FGGY: variants seen among roughly 807,000 people sequenced by gnomAD.
The protein encoded by FGGY is FGGY carbohydrate kinase domain-containing protein.
Under a neutral mutation model 71.3 loss-of-function variants are expected in FGGY, and 72 were observed. That is an observed-to-expected ratio of 1.01 (90% CI 0.84 to 1.23). FGGY has a LOEUF of 1.23. FGGY is among the 50% of genes most tolerant of loss of function. The pLI is 0.00. For missense variants in FGGY, 668 were observed against 682.3 expected (o/e 0.98, Z 0.23); for synonymous variants, 251 against 250.3 (o/e 1.00, Z -0.02).
rs184437800 is a variant in FGGY, at chr1:59,447,259, T to A, written c.555-9702T>A. On this transcript the variant is annotated intron_variant, in intron 5 of 15. Transcript: ENST00000303721. ...CATTTTAATCTTCCTAAGGTTAGAG[T>A]TATCTGGCTAGGCTATTTTCTCTAT... Among the ~76,000 whole-genome samples the A allele has an allele frequency of 6.5e-4, 99 of 152,256 alleles. 1 individual carries two copies. The highest frequency in any genetic ancestry group is 2.3e-3 in the African/African-American group (97 of 41,566).
chr1:59,397,708 C>A (rs1420434393), intron 5 of FGGY, among the ~76,000 whole-genome samples: 2 of 152,120 alleles, frequency 1.3e-5, no homozygotes, highest in East Asian at 3.9e-4. Flanking sequence ...GCAGGTTGTG[C>A]CCCATAAAAG....
Position 59,512,399 on chromosome 1 carries a change from G to A in FGGY, c.759G>A (p.Ala253=), listed in dbSNP as rs562936205. The change falls in exon 7 of 16, where the codon GCG becomes GCA. Residue 253 remains alanine, a synonymous_variant. Coordinates refer to ENST00000303721, the MANE Select transcript of FGGY (RefSeq NM_018291.5). ...ARDLGLLPGI[A]VAASLIDAHA... The stretch of plus-strand genomic sequence containing the variant: ...ACCTTGGCCTTCTCCCTGGGATTGC[G>A]GTCGCAGCTTCACTCATTGATGCCC... 10 of 1,613,852 alleles carry A rather than the reference G, an allele frequency of 6.2e-6. No individual in the cohort carries two copies. Among genetic ancestry groups the A allele is most frequent in the Admixed American group, 1.7e-5 (1 of 60,004 alleles).
At chr1:59,755,418 A>G (rs968287550) in intron 14 of FGGY, 2 of 152,154 alleles carry the variant, frequency 1.3e-5, no homozygotes, top group Non-Finnish European at 2.9e-5. Context: ...CTGTTAACAA[A>G]AAAATATGGT....
chr1:59,460,949 A>G (rs191520731), intron 6 of FGGY, among the ~76,000 whole-genome samples: 139 of 152,330 alleles, frequency 9.1e-4, no homozygotes, highest in African/African-American at 3.3e-3. Flanking sequence ...AGATAAAACT[A>G]TAAAGATGGA....
intron 14 of FGGY, among the ~76,000 whole-genome samples, chr1:59,757,502 G>A (rs527958908): frequency 5.1e-4 from 78 of 152,320 alleles, no homozygotes; most frequent in African/African-American, 1.8e-3. Flanking sequence ...GTACAGGTGC[G>A]AAGTGAGTTC....
chr1:59,577,375 T>C (rs575939049), intron 8 of FGGY, among the ~76,000 whole-genome samples: 1 of 152,334 alleles, frequency 6.6e-6, no homozygotes, highest in African/African-American at 2.4e-5. Context: ...CTCCTTAAAG[T>C]TGGCCACTGT....
At chr1:59,646,454 A>G (rs1379360884) in intron 11 of FGGY, among the ~76,000 whole-genome samples, 1 of 150,876 alleles carries the variant, frequency 6.6e-6, no homozygotes, top group Non-Finnish European at 1.5e-5. Context: ...ATTGGTCACA[A>G]ATTTTACTGA....
chr1:59,715,192 A>G (rs904604013), intron 14 of FGGY, among the ~76,000 whole-genome samples: 1 of 152,186 alleles, frequency 6.6e-6, no homozygotes, highest in Non-Finnish European at 1.5e-5. Flanking sequence ...AGCAGAACTA[A>G]TGTGGGATTT....
intron 5 of FGGY, among the ~76,000 whole-genome samples, chr1:59,424,838 T>C (rs1378829629): frequency 6.6e-6 from 1 of 152,180 alleles, no homozygotes. Flanking sequence ...GTTGAAGTGG[T>C]CAAGGAGGGC....
At chr1:59,739,080 C>T (rs888838853) in intron 14 of FGGY, among the ~76,000 whole-genome samples, 1 of 152,230 alleles carries the variant, frequency 6.6e-6, no homozygotes, top group Non-Finnish European at 1.5e-5. Context: ...AACTTAACTT[C>T]ACCTTTATTT....
chr1:59,351,265 G>T (rs1337733553), intron 4 of FGGY, among the ~76,000 whole-genome samples: 1 of 152,184 alleles, frequency 6.6e-6, no homozygotes, highest in Non-Finnish European at 1.5e-5. Context: ...ACCAACAGAT[G>T]AAAAGTTTGC....
At chr1:59,597,290 A>G (rs2153803723) in intron 8 of FGGY, among the ~76,000 whole-genome samples, 1 of 152,348 alleles carries the variant, frequency 6.6e-6, no homozygotes, top group African/African-American at 2.4e-5. Context: ...TTAGTAAAAG[A>G]TGCTTGGATA....
intron 7 of FGGY, among the ~76,000 whole-genome samples, chr1:59,541,169 C>A (rs1435952918): frequency 6.6e-6 from 1 of 152,136 alleles, no homozygotes. Flanking sequence ...ATTACTTTCT[C>A]CATGGAATGT....
chr1:59,698,702 G>A, intron 14 of FGGY: 1 of 952,354 alleles, frequency 1.1e-6, no homozygotes, highest in Middle Eastern at 5.4e-4. Flanking sequence ...GTCCCCAAAG[G>A]GATGAATCCA....
At chr1:59,730,920 C>T (rs943994400) in intron 14 of FGGY, among the ~76,000 whole-genome samples, 2 of 152,188 alleles carry the variant, frequency 1.3e-5, no homozygotes, top group African/African-American at 4.8e-5. Context: ...ACCTCATGAA[C>T]GTTTAGTAGC....
intron 14 of FGGY, among the ~76,000 whole-genome samples, chr1:59,698,254 C>T (rs2097679137): frequency 6.6e-6 from 1 of 152,106 alleles, no homozygotes; most frequent in Admixed American, 6.6e-5. Flanking sequence ...TTCTGCATGT[C>T]ATATGTATCA....
intron 13 of FGGY, among the ~76,000 whole-genome samples, chr1:59,671,990 G>A (rs908135281): frequency 5.9e-5 from 9 of 152,178 alleles, no homozygotes; most frequent in East Asian, 1.9e-4. Context: ...AACTCAGGGA[G>A]CTTTTGGCAG....
At chr1:59,709,105 G>T (rs12072012) in intron 14 of FGGY, among the ~76,000 whole-genome samples, 4,609 of 152,066 alleles carry the variant, frequency 0.03, 226 homozygotes, top group African/African-American at 0.11. Flanking sequence ...TCCTCACTCT[G>T]TATTAGTCCA....
chr1:59,494,111 A>C (rs2093962201), intron 6 of FGGY, among the ~76,000 whole-genome samples: 2 of 152,172 alleles, frequency 1.3e-5, no homozygotes, highest in Admixed American at 1.3e-4. Context: ...GCATTAGAAC[A>C]CCTTTTTCAT....
Sources: gnomAD v4.1 joint callset for allele counts (sites outside exome capture counted in the v4.1 genomes callset) on GRCh38, gnomAD v4.1.1 for gene constraint, MANE v1.5 for transcripts, NCBI Gene and HGNC (gene_info 2026-07-23, HGNC 2026-07-21) for gene names.